The following ETV6 variants were observed in gnomAD, a reference collection of about 807,000 sequenced individuals.
ETV6 encodes the protein transcription factor ETV6.
In ETV6, 16 loss-of-function variants were observed where a neutral mutation model predicts 51.1. The observed-to-expected ratio is 0.31, with a 90% CI of 0.21 to 0.48. The LOEUF (loss-of-function observed/expected upper bound fraction) is 0.48, where lower values mean the gene tolerates loss of function less well. Among genes scored for constraint, ETV6 ranks in the 20% least tolerant of loss-of-function variants. ETV6 has a pLI of 0.99. For missense variants in ETV6, 458 were observed against 594.8 expected (o/e 0.77, Z 2.39); for synonymous variants, 240 against 224.1 (o/e 1.07, Z -0.64).
intron 2 of ETV6, among the ~76,000 whole-genome samples, chr12:11,783,185 T>C (rs115041026): frequency 6.6e-6 from 1 of 152,050 alleles, no homozygotes; most frequent in African/African-American, 2.4e-5. Context: ...GAGCCCATTA[T>C]CTAGAGTGGC....
chr12:11,679,195 A>C (rs1279763100), intron 1 of ETV6, among the ~76,000 whole-genome samples: 1 of 152,184 alleles, frequency 6.6e-6, no homozygotes, highest in Non-Finnish European at 1.5e-5. Context: ...AGGAATAAGC[A>C]CTTTAGGGGA....
intron 1 of ETV6, among the ~76,000 whole-genome samples, chr12:11,734,353 T>C (rs1244372395): frequency 6.6e-6 from 1 of 151,956 alleles, no homozygotes; most frequent in Non-Finnish European, 1.5e-5. Context: ...ATGCCTGTAA[T>C]CCCCACACTT....
At chr12:11,728,769 C>G (rs1164716590) in intron 1 of ETV6, among the ~76,000 whole-genome samples, 1 of 152,128 alleles carries the variant, frequency 6.6e-6, no homozygotes, top group Admixed American at 6.5e-5. Context: ...TCATAGACAT[C>G]TATAATTAAA....
chr12:11,706,803 C>T lies in ETV6; in HGVS notation c.34-45647C>T, dbSNP rs1865080926. On this transcript the variant is annotated intron_variant, in intron 1 of 7. Coordinates refer to ENST00000396373, the MANE Select transcript of ETV6 (RefSeq NM_001987.5). ...CTTTCAGATGGGGCGTACAATTTAC[C>T]TTTTGAGTTCTGTAAATGGAATCGA... Among the ~76,000 whole-genome samples the T allele has an allele frequency of 2.0e-5, 3 of 152,234 alleles. No homozygotes were observed. The South Asian group carries it at 6.2e-4, about 31-fold the overall frequency.
At chr12:11,888,398 C>CTTTTCT (rs753710183) in intron 7 of ETV6, among the ~76,000 whole-genome samples, 145 of 80,676 alleles carry the variant, frequency 1.8e-3, no homozygotes, top group Middle Eastern at 7.8e-3. Flanking sequence ...CTTTTCTTTT[C>CTTTTCT]TTTTTTTTTT....
chr12:11,680,261 G>T (rs1864501055), intron 1 of ETV6, among the ~76,000 whole-genome samples: 1 of 152,142 alleles, frequency 6.6e-6, no homozygotes, highest in South Asian at 2.1e-4. Context: ...CTTGTTGGGG[G>T]GCAGGCAGTA....
Position 11,869,535 on chromosome 12 carries a change from C to T in ETV6, c.575C>T (p.Pro192Leu). The change falls in exon 5 of 8, where the codon CCT becomes CTT. Residue 192 changes from proline (P) to leucine (L), a missense_variant. Transcript: ENST00000396373. The surrounding 1 kb of genome is among the most constrained non-coding windows in gnomAD (Gnocchi z 5.0). Reference sequence around the variant, plus strand: ...TCACCTATCACGACAAATCACCGGCCTTCTCCTGACCCCGAGCAGCGGCCC... The same window carrying T: ...TCACCTATCACGACAAATCACCGGCTTTCTCCTGACCCCGAGCAGCGGCCC... ...SRSPITTNHR[P>L]SPDPEQRPLR... is the part of the protein sequence containing the mutation. The T allele has an allele frequency of 6.2e-7, 1 of 1,614,156 alleles. No homozygotes were observed. The highest frequency in any genetic ancestry group is 8.5e-7 in the Non-Finnish European group (1 of 1,180,026).
rs537032529 is a variant in ETV6, at chr12:11,863,373, T to C, written c.464-6051T>C. 9.7e-4 allele frequency among the ~76,000 whole-genome samples: 148 copies of C among 152,260 alleles called. 1 individual carries two copies. Among genetic ancestry groups the C allele is most frequent in the African/African-American group, 3.4e-3 (142 of 41,546 alleles). ...TTTGGCAGTGAGAAGAAGGGATTAT[T>C]TGTGTCTGACAGAGGTCTACAAGGA... On this transcript the variant is annotated intron_variant, in intron 4 of 7. Coordinates refer to ENST00000396373, the MANE Select transcript of ETV6 (RefSeq NM_001987.5).
chr12:11,699,426 G>A (rs547718311), intron 1 of ETV6, among the ~76,000 whole-genome samples: 5 of 152,030 alleles, frequency 3.3e-5, no homozygotes, highest in African/African-American at 7.2e-5. Context: ...GGCAGCATAG[G>A]TCTATTTTTC....
At position 11,888,729 on chromosome 12, in the gene ETV6, G is replaced by T. The variant is rs530632214; in HGVS notation, c.1254-2212G>T. On this transcript the variant is annotated intron_variant, in intron 7 of 7. Coordinates refer to ENST00000396373, the MANE Select transcript of ETV6 (RefSeq NM_001987.5). ...ACTTGTTTGTTTTTCTAGAGACAGGGTCTCACTCTGTTGCCCAGGCTAGAG... is the reference window on the plus strand; with the variant it reads ...ACTTGTTTGTTTTTCTAGAGACAGGTTCTCACTCTGTTGCCCAGGCTAGAG... 1.2e-3 allele frequency among the ~76,000 whole-genome samples: 179 copies of T among 152,214 alleles called. 1 individual carries two copies. Among genetic ancestry groups the T allele is most frequent in the African/African-American group, 4.1e-3 (172 of 41,534 alleles).
intron 2 of ETV6, among the ~76,000 whole-genome samples, chr12:11,820,686 G>T (rs1199321972): frequency 6.6e-6 from 1 of 152,148 alleles, no homozygotes; most frequent in Non-Finnish European, 1.5e-5. Flanking sequence ...AAGGATGATG[G>T]CAGGAAAGGA....
intron 1 of ETV6, among the ~76,000 whole-genome samples, chr12:11,735,896 G>A (rs989870928): frequency 3.3e-5 from 5 of 152,190 alleles, no homozygotes; most frequent in Non-Finnish European, 5.9e-5. Flanking sequence ...CATCGCGCCC[G>A]GCCAGCTCGT....
chr12:11,831,691 A>G (rs1946248874), intron 2 of ETV6, among the ~76,000 whole-genome samples: 1 of 152,254 alleles, frequency 6.6e-6, no homozygotes, highest in Non-Finnish European at 1.5e-5. Flanking sequence ...TGAGATTATT[A>G]CATATGTACA....
Position 11,892,192 on chromosome 12 carries a change from G to A in ETV6, c.*1146G>A. The A allele has an allele frequency of 4.7e-6, 1 of 213,782 alleles. No homozygotes were observed. The highest frequency in any genetic ancestry group is 9.0e-6 in the Non-Finnish European group (1 of 110,576). 13.2% of individuals were successfully genotyped at this position (213,782 alleles called of 1,614,324 possible). ...CATTCCAAAGGCCATCTTGTGGTCAGTTTCATGCCCTCACCTGATTTTTTT... is the reference window on the plus strand; with the variant it reads ...CATTCCAAAGGCCATCTTGTGGTCAATTTCATGCCCTCACCTGATTTTTTT... On this transcript the variant is annotated 3_prime_UTR_variant, in exon 8 of 8. Coordinates refer to ENST00000396373, the MANE Select transcript of ETV6 (RefSeq NM_001987.5).
chr12:11,839,098 G>A (rs1044678376), intron 2 of ETV6, 42 bp from the exon 3 acceptor site: 2 of 1,590,298 alleles, frequency 1.3e-6, no homozygotes, highest in East Asian at 4.5e-5. Context: ...TAACTGACAA[G>A]ACCTTTCTCT....
rs1055179954 is a variant in ETV6, at chr12:11,824,163, C to G, written c.164-14977C>G. ...GCACAGGCAGCAGCAGTGTAACTCT[C>G]AGAATCCCCACGGAAGAGCAGAGCA... On this transcript the variant is annotated intron_variant, in intron 2 of 7. Transcript: ENST00000396373. Among the ~76,000 whole-genome samples the G allele has an allele frequency of 2.0e-5, 3 of 152,342 alleles. No individual in the cohort carries two copies. The South Asian group carries it at 6.2e-4, about 32-fold the overall frequency.
At chr12:11,760,303 TG>T (rs1484852688) in intron 2 of ETV6, among the ~76,000 whole-genome samples, 6 of 152,162 alleles carry the variant, frequency 3.9e-5, no homozygotes, top group Non-Finnish European at 7.4e-5. Flanking sequence ...AGCTCTCAAA[TG>T]GGGCTGTAAG....
At chr12:11,827,472 A>T (rs1035765459) in intron 2 of ETV6, among the ~76,000 whole-genome samples, 3 of 151,998 alleles carry the variant, frequency 2.0e-5, no homozygotes, top group Admixed American at 1.3e-4. Flanking sequence ...TTGGGTCCCT[A>T]TGTGTATTTT....
At chr12:11,725,532 T>C (rs1468690867) in intron 1 of ETV6, among the ~76,000 whole-genome samples, 1 of 152,212 alleles carries the variant, frequency 6.6e-6, no homozygotes, top group Non-Finnish European at 1.5e-5. Flanking sequence ...TCTTTTCCCA[T>C]AGGATTTACA....
Sources: gnomAD v4.1 joint callset for allele counts (sites outside exome capture counted in the v4.1 genomes callset) on GRCh38, gnomAD v4.1.1 for gene constraint, Gnocchi (gnomAD v3.1) non-coding constraint, MANE v1.5 for transcripts, NCBI Gene and HGNC (gene_info 2026-07-23, HGNC 2026-07-21) for gene names.